CYB5R4: variants seen among roughly 807,000 people sequenced by gnomAD.
CYB5R4 encodes the protein N-terminal cytochrome b5 and cytochrome b5 oxidoreductase domain-containing protein.
A neutral mutation model predicts 70.2 loss-of-function variants in CYB5R4; 55 were observed. That is an observed-to-expected ratio of 0.78 (90% CI 0.63 to 0.98). CYB5R4 has a LOEUF of 0.98. Ranked by LOEUF, CYB5R4 falls within the 50% of genes least tolerant of loss-of-function variation. The probability of loss-of-function intolerance (pLI) is 0.00; values close to 1 mark genes in which losing one functional copy is unlikely to be tolerated. For missense variants in CYB5R4, 562 were observed against 612.6 expected (o/e 0.92, Z 0.87); for synonymous variants, 197 against 199.5 (o/e 0.99, Z 0.11).
chr6:83,914,689 C>G (rs940749761), intron 5 of CYB5R4, among the ~76,000 whole-genome samples: 1 of 151,968 alleles, frequency 6.6e-6, no homozygotes, highest in East Asian at 1.9e-4. Flanking sequence ...AGGTGCACAC[C>G]ACACACCTGG....
chr6:83,937,351 C>G (rs2099469078), intron 12 of CYB5R4, among the ~76,000 whole-genome samples: 1 of 152,070 alleles, frequency 6.6e-6, no homozygotes, highest in Non-Finnish European at 1.5e-5. Context: ...TCCTCTTCCC[C>G]TGAAACCCTC....
At chr6:83,959,762 T>C in intron 15 of CYB5R4, 62 bp from the exon 16 acceptor site, 3 of 1,391,862 alleles carry the variant, frequency 2.2e-6, no homozygotes. Flanking sequence ...GGTAAACTGC[T>C]CTTATTTCTT....
chr6:83,959,806 T>A lies in CYB5R4; in HGVS notation c.1512-18T>A. On this transcript the variant is annotated intron_variant, in intron 15 of 15. Coordinates refer to ENST00000369681, the MANE Select transcript of CYB5R4 (RefSeq NM_016230.4). ...AGCATTTTCCCTAAGAAACATGTGC[T>A]TTTTATTTGTTTTTCAGGTTGCTGC... The A allele has an allele frequency of 1.1e-5, 17 of 1,590,014 alleles. No homozygotes were observed. The highest frequency in any genetic ancestry group is 1.5e-5 in the Non-Finnish European group (17 of 1,167,340).
intron 3 of CYB5R4, among the ~76,000 whole-genome samples, chr6:83,901,580 G>A (rs959174866): frequency 9.2e-5 from 14 of 152,016 alleles, no homozygotes; most frequent in South Asian, 2.1e-4. Flanking sequence ...CATTCTCCCC[G>A]TCACTTTCAG....
chr6:83,863,488 T>G (rs542433768), intron 1 of CYB5R4, among the ~76,000 whole-genome samples: 2 of 152,356 alleles, frequency 1.3e-5, no homozygotes, highest in Admixed American at 1.3e-4. Context: ...CAACTATAGT[T>G]AATTGTCTCT....
intron 3 of CYB5R4, among the ~76,000 whole-genome samples, chr6:83,901,377 C>T (rs1409266057): frequency 1.3e-5 from 2 of 152,218 alleles, no homozygotes; most frequent in African/African-American, 4.8e-5. Context: ...ACCTTTCTCT[C>T]TGGCTGCCCT....
At chr6:83,874,151 CTCCCTTCCCCT>C (rs1588560078) in intron 2 of CYB5R4, among the ~76,000 whole-genome samples, 1 of 60,856 alleles carries the variant, frequency 1.6e-5, no homozygotes, top group East Asian at 9.4e-4. Context: ...TTCCCCTCCC[CTCCCTTCCCCT>C]CCCCTCCCCT....
intron 10 of CYB5R4, among the ~76,000 whole-genome samples, chr6:83,934,125 G>T (rs1239205980): frequency 1.3e-5 from 2 of 151,860 alleles, no homozygotes; most frequent in East Asian, 3.9e-4. Flanking sequence ...AATGTACCGT[G>T]GCTCATGCCT....
At position 83,931,822 on chromosome 6, in the gene CYB5R4, T is replaced by G. The variant is rs546438700; in HGVS notation, c.815-2773T>G. On this transcript the variant is annotated intron_variant, in intron 10 of 15. Transcript: ENST00000369681. ...ATATATATTTTTTTTTTATTATACT[T>G]TAAGTTCTAGGGTACATGTGTACAA... is the stretch of plus-strand genomic sequence containing the variant. Among the ~76,000 whole-genome samples, 57 of 151,334 alleles carry G rather than the reference T, an allele frequency of 3.8e-4. No individual in the cohort carries two copies. In the East Asian group the frequency reaches 0.011, roughly 28 times the overall value.
chr6:83,931,558 C>T (rs1172798917), intron 10 of CYB5R4, among the ~76,000 whole-genome samples: 1 of 152,074 alleles, frequency 6.6e-6, no homozygotes, highest in Non-Finnish European at 1.5e-5. Flanking sequence ...CTCAGTATTT[C>T]ACCCTTACCC....
At chr6:83,920,823 C>T (rs1366566460) in intron 7 of CYB5R4, among the ~76,000 whole-genome samples, 1 of 151,942 alleles carries the variant, frequency 6.6e-6, no homozygotes, top group Non-Finnish European at 1.5e-5. Context: ...TAAAGATAGT[C>T]CCTTAACCTT....
intron 1 of CYB5R4, among the ~76,000 whole-genome samples, chr6:83,863,654 A>G (rs1588556720): frequency 6.6e-6 from 1 of 152,166 alleles, no homozygotes; most frequent in African/African-American, 2.4e-5. Context: ...AGCCCTGTGT[A>G]GCCCTGGGTT....
At chr6:83,910,089 G>C (rs755423139) in intron 4 of CYB5R4, 47 of 1,609,956 alleles carry the variant, frequency 2.9e-5, no homozygotes, top group African/African-American at 5.5e-5. Context: ...CACCTGTAGA[G>C]CTGAGGATGG....
chr6:83,929,290 G>A (rs931978007), intron 10 of CYB5R4: 1 of 152,108 alleles, frequency 6.6e-6, no homozygotes, highest in African/African-American at 2.4e-5. Flanking sequence ...ATGTATTGCT[G>A]TAATTATTGA....
intron 14 of CYB5R4, among the ~76,000 whole-genome samples, chr6:83,952,847 T>TG (rs1236695124): frequency 6.6e-6 from 1 of 152,198 alleles, no homozygotes; most frequent in Non-Finnish European, 1.5e-5. Context: ...ACAGGCTCTG[T>TG]GGACTATATG....
At position 83,891,158 on chromosome 6, in the gene CYB5R4, A is replaced by T. The variant is rs115802469; in HGVS notation, c.230-2364A>T. On this transcript the variant is annotated intron_variant, in intron 2 of 15. Coordinates refer to ENST00000369681, the MANE Select transcript of CYB5R4 (RefSeq NM_016230.4). Reference sequence around the variant, plus strand: ...GACAGGATCTCACTATGTTGCCCAGACTGGTCTTGAACTCCTAGCATGAAG... The same window carrying T: ...GACAGGATCTCACTATGTTGCCCAGTCTGGTCTTGAACTCCTAGCATGAAG... Among the ~76,000 whole-genome samples, 328 of 152,006 alleles carry T rather than the reference A, an allele frequency of 2.2e-3. 2 individuals carry two copies. Among genetic ancestry groups the T allele is most frequent in the African/African-American group, 7.5e-3 (311 of 41,462 alleles).
chr6:83,875,394 G>A (rs573346074), intron 2 of CYB5R4, among the ~76,000 whole-genome samples: 2 of 152,290 alleles, frequency 1.3e-5, no homozygotes, highest in Middle Eastern at 3.4e-3. Context: ...TACAGGATGT[G>A]CAGGACTTTT....
chr6:83,894,225 A>G (rs1212656640), intron 3 of CYB5R4, among the ~76,000 whole-genome samples: 2 of 152,136 alleles, frequency 1.3e-5, no homozygotes, highest in East Asian at 3.9e-4. Context: ...CTCTTAAACT[A>G]TTTTAAAGTT....
In CYB5R4 at chr6:83,859,697, C is replaced by T; in HGVS notation, c.-86C>T. 1 of 1,469,416 alleles carries T rather than the reference C, an allele frequency of 6.8e-7. No individual in the cohort carries two copies. 91.0% of individuals were successfully genotyped at this position (1,469,416 alleles called of 1,614,324 possible). A position where few individuals can be genotyped will look rare whatever the true frequency, so the allele number is the denominator to read the frequency against. On this transcript the variant is annotated 5_prime_UTR_variant, in exon 1 of 16. Coordinates refer to ENST00000369681, the MANE Select transcript of CYB5R4 (RefSeq NM_016230.4). Reference sequence around the variant, plus strand: ...CCCCGGAAGTGGGTCGGGGGCTTGGCCTCTGCCCGGCCACAGAGCCGGAGC... The same window carrying T: ...CCCCGGAAGTGGGTCGGGGGCTTGGTCTCTGCCCGGCCACAGAGCCGGAGC...
Sources: gnomAD v4.1 joint callset for allele counts (sites outside exome capture counted in the v4.1 genomes callset) on GRCh38, gnomAD v4.1.1 for gene constraint, MANE v1.5 for transcripts, NCBI Gene and HGNC (gene_info 2026-07-23, HGNC 2026-07-21) for gene names.